The following RBFOX3 variants were observed in gnomAD, a reference collection of about 807,000 sequenced individuals.
RBFOX3 encodes RNA binding fox-1 homolog 3.
RBFOX3 carries 17 observed loss-of-function variants against 48.7 expected under a neutral mutation model. That is an observed-to-expected ratio of 0.35 (90% CI 0.24 to 0.52). RBFOX3 has a LOEUF of 0.52. RBFOX3 is among the 20% of genes least tolerant of loss of function. RBFOX3 has a pLI of 0.94. For missense variants in RBFOX3, 382 were observed against 497.5 expected, an observed-to-expected ratio of 0.77 and a Z score of 2.21; for synonymous variants, 212 against 209.5, an observed-to-expected ratio of 1.01 and a Z score of -0.10.
At chr17:79,518,715 G>C (rs997394344) in intron 1 of RBFOX3, among the ~76,000 whole-genome samples, 12 of 152,374 alleles carry the variant, frequency 7.9e-5, no homozygotes, top group African/African-American at 2.6e-4. Context: ...AGGCCCCCTT[G>C]CCGTGCCTTC....
intron 3 of RBFOX3, among the ~76,000 whole-genome samples, chr17:79,262,292 TG>T (rs1249002535): frequency 6.6e-6 from 1 of 151,964 alleles, no homozygotes; most frequent in Non-Finnish European, 1.5e-5. Flanking sequence ...CCCGCAGCCA[TG>T]GGGGGCCCCG....
chr17:79,432,644 G>T (rs1258759078), intron 2 of RBFOX3, among the ~76,000 whole-genome samples: 2 of 152,132 alleles, frequency 1.3e-5, no homozygotes, highest in African/African-American at 4.8e-5. Context: ...GGTATCAAAG[G>T]CCCTGTGTCC....
At chr17:79,455,597 G>A (rs150421457) in intron 2 of RBFOX3, among the ~76,000 whole-genome samples, 26 of 152,164 alleles carry the variant, frequency 1.7e-4, no homozygotes, top group African/African-American at 5.1e-4. Context: ...ACACACACAC[G>A]CACGCAGTCA....
rs563553625 is a variant in RBFOX3 at position 79,364,317 on chromosome 17, G to C, written c.-174-56493C>G. On this transcript the variant is annotated intron_variant, in intron 2 of 14. Coordinates refer to ENST00000693108, the MANE Select transcript of RBFOX3 (RefSeq NM_001350451.2). This position sits in a 1 kb window ranked among gnomAD's most constrained non-coding sequence, Gnocchi z 5.1. ...CTGTTGTTCCTGGCATGCTGTTTTA[G>C]GACAGTCCTGAACTGGACTTGCAGT... Among the ~76,000 whole-genome samples the C allele has an allele frequency of 9.2e-5, 14 of 152,218 alleles. No individual in the cohort carries two copies. Among genetic ancestry groups the C allele is most frequent in the Admixed American group, 7.9e-4 (12 of 15,282 alleles).
At chr17:79,116,579 C>A (rs1366215980) in intron 4 of RBFOX3, among the ~76,000 whole-genome samples, 1 of 152,276 alleles carries the variant, frequency 6.6e-6, no homozygotes, top group Non-Finnish European at 1.5e-5. Context: ...CGCTGCCCAG[C>A]CCGCACCTGG....
the RBFOX3 span, among the ~76,000 whole-genome samples, chr17:79,634,896 C>T: frequency 2.0e-4 from 30 of 151,722 alleles, no homozygotes; most frequent in Admixed American, 6.6e-5. Flanking sequence ...TCTGTCTCTA[C>T]TAAAATTACA....
intron 1 of RBFOX3, among the ~76,000 whole-genome samples, chr17:79,492,855 A>G (rs1015612249): frequency 1.2e-4 from 19 of 152,234 alleles, no homozygotes; most frequent in African/African-American, 3.9e-4. Flanking sequence ...GGGACACGCC[A>G]GGAGGCAGTG....
intron 4 of RBFOX3, among the ~76,000 whole-genome samples, chr17:79,193,240 AC>A (rs2054880493): frequency 6.6e-6 from 1 of 152,110 alleles, no homozygotes; most frequent in South Asian, 2.1e-4. Context: ...TGGGGAGATT[AC>A]GCTCGGAAGC....
Position 79,479,869 on chromosome 17 carries a change from C to G in RBFOX3, c.-175+2585G>C, listed in dbSNP as rs1300198630. On this transcript the variant is annotated intron_variant, in intron 2 of 14. Coordinates refer to ENST00000693108, the MANE Select transcript of RBFOX3 (RefSeq NM_001350451.2). The surrounding 1 kb of genome is among the most constrained non-coding windows in gnomAD (Gnocchi z 5.1). ...GATGTCTGTACGTCAGGGCCCTCCC[C>G]TAGGGACAGAGCTGCACGCATCTTC... is the stretch of plus-strand genomic sequence containing the variant. Among the ~76,000 whole-genome samples, 2 of 152,194 alleles carry G rather than the reference C, an allele frequency of 1.3e-5. No homozygotes were observed. The highest frequency in any genetic ancestry group is 4.8e-5 in the African/African-American group (2 of 41,444).
intron 1 of RBFOX3, among the ~76,000 whole-genome samples, chr17:79,608,672 A>C (rs1168557047): frequency 6.6e-6 from 1 of 151,984 alleles, no homozygotes; most frequent in Non-Finnish European, 1.5e-5. Context: ...AGTGGTCCCC[A>C]CGTCACCCGC....
At chr17:79,180,562 C>T (rs2051678418) in intron 4 of RBFOX3, among the ~76,000 whole-genome samples, 1 of 152,208 alleles carries the variant, frequency 6.6e-6, no homozygotes, top group African/African-American at 2.4e-5. Context: ...CCGGGTATGG[C>T]CCTAGGCCCC....
chr17:79,475,817 G>A (rs2077655397), intron 2 of RBFOX3, among the ~76,000 whole-genome samples: 1 of 152,220 alleles, frequency 6.6e-6, no homozygotes, highest in South Asian at 2.1e-4. Flanking sequence ...CACAGAGGAT[G>A]GCCAGTGGCC....
chr17:79,486,008 C>T (rs1203596680), intron 1 of RBFOX3, among the ~76,000 whole-genome samples: 6 of 152,404 alleles, frequency 3.9e-5, no homozygotes, highest in South Asian at 2.1e-4. Flanking sequence ...GCCCCCTCCG[C>T]GTGCGCTCCT....
At chr17:79,188,117 C>T (rs1279321461) in intron 4 of RBFOX3, among the ~76,000 whole-genome samples, 1 of 152,238 alleles carries the variant, frequency 6.6e-6, no homozygotes, top group Non-Finnish European at 1.5e-5. Context: ...GTCGGTGCAG[C>T]CCTGGCAGGC....
upstream of RBFOX3, among the ~76,000 whole-genome samples, chr17:79,611,130 T>TCTCCCTCTCTCTCTCTCTCTCTCTCTC (rs1491548376): frequency 2.6e-5 from 1 of 37,846 alleles, no homozygotes; most frequent in African/African-American, 2.6e-4. Context: ...TCCGCCCTCC[T>TCTCCCTCTCTCTCTCTCTCTCTCTCTC]TCTCTCTCTC....
chr17:79,498,642 CCATCCATCCACT>C (rs2081938622), intron 1 of RBFOX3, among the ~76,000 whole-genome samples: 1 of 151,606 alleles, frequency 6.6e-6, no homozygotes, highest in Admixed American at 6.6e-5. Context: ...ATAAGCCTAC[CCATCCATCCACT>C]CATCCATCCA....
intron 1 of RBFOX3, among the ~76,000 whole-genome samples, chr17:79,561,592 T>C (rs2092222157): frequency 6.6e-6 from 1 of 152,112 alleles, no homozygotes; most frequent in African/African-American, 2.4e-5. Context: ...TGAAAAGCGG[T>C]GCGTGTTGGT....
rs1398730300 is a variant in RBFOX3 at position 79,214,591 on chromosome 17, T to A, written c.-34+21175A>T. Among the ~76,000 whole-genome samples, 1 of 151,374 alleles carries A rather than the reference T, an allele frequency of 6.6e-6. No homozygotes were observed. Among genetic ancestry groups the A allele is most frequent in the South Asian group, 2.1e-4 (1 of 4,756 alleles). On this transcript the variant is annotated intron_variant, in intron 4 of 14. Coordinates refer to ENST00000693108, the MANE Select transcript of RBFOX3 (RefSeq NM_001350451.2). This position sits in a 1 kb window ranked among gnomAD's most constrained non-coding sequence, Gnocchi z 4.7. ...GGGGTCTCGGAGGAAGCAGGAAGGGTTGGCCTCTGTGGCTGTCCAGGGAGA... is the reference window on the plus strand; with the variant it reads ...GGGGTCTCGGAGGAAGCAGGAAGGGATGGCCTCTGTGGCTGTCCAGGGAGA...
chr17:79,300,260 T>G (rs1164203729), intron 3 of RBFOX3, among the ~76,000 whole-genome samples: 1 of 152,088 alleles, frequency 6.6e-6, no homozygotes, highest in Non-Finnish European at 1.5e-5. Flanking sequence ...AGAAGAAATT[T>G]CCATTGCTGG....
Sources: allele counts gnomAD v4.1 joint callset (sites outside exome capture counted in the v4.1 genomes callset), GRCh38; gene constraint gnomAD v4.1.1; non-coding constraint Gnocchi (gnomAD v3.1); transcripts MANE v1.5; gene names NCBI Gene and HGNC (gene_info 2026-07-23, HGNC 2026-07-21).